The following LSAMP variants were observed in gnomAD, a reference collection of about 807,000 sequenced individuals.
The protein encoded by LSAMP is limbic system-associated membrane protein.
In LSAMP, 7 loss-of-function variants were observed where a neutral mutation model predicts 38.6. That is an observed-to-expected ratio of 0.18 (90% confidence interval 0.10 to 0.34). The LOEUF (loss-of-function observed/expected upper bound fraction) is 0.34. Among genes scored for constraint, LSAMP ranks in the 10% least tolerant of loss-of-function variants. LSAMP has a pLI of 1.00. For synonymous variants in LSAMP, 154 were observed against 166.8 expected (o/e 0.92, Z 0.59); for missense variants, 313 against 420.0 (o/e 0.75, Z 2.23).
intron 1 of LSAMP, among the ~76,000 whole-genome samples, chr3:116,406,723 ACAG>A (rs1421580179): frequency 1.3e-5 from 2 of 152,036 alleles, no homozygotes; most frequent in African/African-American, 2.4e-5. Context: ...CTCCATGCAC[ACAG>A]CACCCCCATA....
At chr3:116,031,235 C>A (rs958176736) in intron 2 of LSAMP, among the ~76,000 whole-genome samples, 3 of 152,056 alleles carry the variant, frequency 2.0e-5, no homozygotes, top group Non-Finnish European at 4.4e-5. Flanking sequence ...TCATACAAAA[C>A]AAAATTTACT....
intron 1 of LSAMP, among the ~76,000 whole-genome samples, chr3:116,421,682 A>G (rs2049129605): frequency 1.3e-5 from 2 of 152,228 alleles, no homozygotes; most frequent in African/African-American, 2.4e-5. Flanking sequence ...ACAAGAAAAA[A>G]TGCACAACAT....
chr3:116,155,755 C>G (rs1257493172), intron 1 of LSAMP, among the ~76,000 whole-genome samples: 7 of 151,698 alleles, frequency 4.6e-5, no homozygotes, highest in African/African-American at 1.7e-4. Flanking sequence ...ATTTTTTTAC[C>G]TCTATATTTC....
At chr3:116,394,455 A>T (rs1559852664) in intron 1 of LSAMP, among the ~76,000 whole-genome samples, 1 of 152,196 alleles carries the variant, frequency 6.6e-6, no homozygotes, top group Non-Finnish European at 1.5e-5. Context: ...ACCTTGAGCC[A>T]GAGGAAAGCT....
At chr3:115,985,238 G>C (rs1939477057) in intron 3 of LSAMP, among the ~76,000 whole-genome samples, 1 of 152,102 alleles carries the variant, frequency 6.6e-6, no homozygotes, top group Non-Finnish European at 1.5e-5. Flanking sequence ...TAAAAAATCA[G>C]TACCAAAGCG....
At chr3:115,896,623 C>T (rs1467557101) in intron 3 of LSAMP, among the ~76,000 whole-genome samples, 1 of 151,960 alleles carries the variant, frequency 6.6e-6, no homozygotes, top group South Asian at 2.1e-4. Context: ...TTCATTTAAT[C>T]AAAACTGTGC....
At chr3:115,963,504 C>T (rs1482869526) in intron 3 of LSAMP, among the ~76,000 whole-genome samples, 1 of 152,082 alleles carries the variant, frequency 6.6e-6, no homozygotes, top group Admixed American at 6.5e-5. Flanking sequence ...AGTTGAAGAA[C>T]CCATCCCATT....
chr3:116,421,460 C>G (rs1405539591), intron 1 of LSAMP, among the ~76,000 whole-genome samples: 1 of 151,584 alleles, frequency 6.6e-6, no homozygotes, highest in Non-Finnish European at 1.5e-5. Context: ...ATCCCAGCTA[C>G]TTGAACCCAG....
rs28510113 is a variant in LSAMP, at chr3:115,899,723, C to A, written c.515-47106G>T. Among the ~76,000 whole-genome samples, 1,372 of 152,226 alleles carry A rather than the reference C, an allele frequency of 9.0e-3. 26 individuals carry two copies. Among genetic ancestry groups the A allele is most frequent in the African/African-American group, 0.031 (1,284 of 41,534 alleles). Reference sequence around the variant, plus strand: ...CTAACTCTATACATAGTCCAAACATCAACTTTGCACAGTCAGCAACAATCT... The same window carrying A: ...CTAACTCTATACATAGTCCAAACATAAACTTTGCACAGTCAGCAACAATCT... On this transcript the variant is annotated intron_variant, in intron 3 of 6. Transcript: ENST00000490035.
intron 1 of LSAMP, among the ~76,000 whole-genome samples, chr3:116,162,003 A>C (rs778019501): frequency 1.1e-4 from 16 of 151,782 alleles, no homozygotes; most frequent in Non-Finnish European, 2.2e-4. Context: ...AAAATAACTC[A>C]CCCCCAAGCA....
chr3:116,117,727 T>G (rs1195938437), intron 1 of LSAMP, among the ~76,000 whole-genome samples: 1 of 152,186 alleles, frequency 6.6e-6, no homozygotes, highest in East Asian at 1.9e-4. Context: ...TAATTTTTTT[T>G]CATGATTAGA....
intron 1 of LSAMP, among the ~76,000 whole-genome samples, chr3:116,272,023 A>ATGAT (rs1349469573): frequency 1.3e-5 from 2 of 152,090 alleles, no homozygotes; most frequent in Admixed American, 6.5e-5. Flanking sequence ...AGCAAGTAGA[A>ATGAT]TGATAAAAGA....
intron 3 of LSAMP, among the ~76,000 whole-genome samples, chr3:115,865,276 G>A (rs550097457): frequency 2.0e-5 from 3 of 152,128 alleles, no homozygotes; most frequent in African/African-American, 4.8e-5. Flanking sequence ...GACCATGGAC[G>A]TTTCTCTAAA....
rs904432187 is a variant in LSAMP, at chr3:115,862,309, T to G, written c.515-9692A>C. 3.9e-5 allele frequency among the ~76,000 whole-genome samples: 6 copies of G among 152,326 alleles called. No homozygotes were observed. The South Asian group carries it at 1.2e-3, about 32-fold the overall frequency. The stretch of plus-strand genomic sequence containing the variant: ...TCAATTGGCATTTAGTAAGTGAATG[T>G]GTTAAACTCAGCAGGGTGATTGCAC... On this transcript the variant is annotated intron_variant, in intron 3 of 6. Transcript: ENST00000490035.
At chr3:116,374,956 T>C (rs1043078141) in intron 1 of LSAMP, among the ~76,000 whole-genome samples, 1 of 151,990 alleles carries the variant, frequency 6.6e-6, no homozygotes, top group Non-Finnish European at 1.5e-5. Flanking sequence ...GATGTCTTTC[T>C]TCCAGGCTGC....
intron 4 of LSAMP, among the ~76,000 whole-genome samples, chr3:115,851,863 AAG>A (rs1426732668): frequency 1.3e-5 from 2 of 152,110 alleles, no homozygotes; most frequent in Admixed American, 6.6e-5. Flanking sequence ...AACTACATCT[AAG>A]AATCCTTTCA....
At chr3:116,342,783 A>T (rs553350169) in intron 1 of LSAMP, among the ~76,000 whole-genome samples, 6 of 152,202 alleles carry the variant, frequency 3.9e-5, no homozygotes, top group Admixed American at 1.3e-4. Context: ...GGAAATTTTC[A>T]TGCAGTTACA....
chr3:116,257,049 T>A (rs564443004), intron 1 of LSAMP, among the ~76,000 whole-genome samples: 5 of 152,200 alleles, frequency 3.3e-5, no homozygotes, highest in Admixed American at 3.3e-4. Context: ...GTGGTTTTCA[T>A]GGGACGGTGT....
chr3:116,005,132 C>T (rs767413999), intron 3 of LSAMP, among the ~76,000 whole-genome samples: 17 of 152,038 alleles, frequency 1.1e-4, no homozygotes, highest in Admixed American at 2.0e-4. Flanking sequence ...ATATTCATTA[C>T]GGTTTGTCCA....
Sources: allele counts gnomAD v4.1 joint callset (sites outside exome capture counted in the v4.1 genomes callset), GRCh38; gene constraint gnomAD v4.1.1; transcripts MANE v1.5; gene names NCBI Gene and HGNC (gene_info 2026-07-23, HGNC 2026-07-21).